MAGI1: variants seen among roughly 807,000 people sequenced by gnomAD.
MAGI1 encodes membrane-associated guanylate kinase, WW and PDZ domain-containing protein 1.
Under a neutral mutation model 139.9 loss-of-function variants are expected in MAGI1, and 58 were observed. That is an observed-to-expected ratio of 0.41 (90% CI 0.34 to 0.52). The LOEUF (loss-of-function observed/expected upper bound fraction) is 0.52. MAGI1 is among the 20% of genes least tolerant of loss of function. The pLI, the probability that MAGI1 is intolerant of heterozygous loss-of-function variation, is 0.12. For missense variants in MAGI1, 1,874 were observed against 1,901.6 expected (o/e 0.99, Z 0.27); for synonymous variants, 812 against 737.9 (o/e 1.10, Z -1.63).
chr3:65,969,414 C>A (rs1174992532), intron 1 of MAGI1, among the ~76,000 whole-genome samples: 1 of 152,172 alleles, frequency 6.6e-6, no homozygotes, highest in Non-Finnish European at 1.5e-5. Flanking sequence ...CTCCATTCCC[C>A]CTCCTCGTAG....
intron 1 of MAGI1, among the ~76,000 whole-genome samples, chr3:65,700,016 G>C (rs375722547): frequency 3.3e-5 from 5 of 152,130 alleles, no homozygotes; most frequent in East Asian, 1.9e-4. Flanking sequence ...GCACACTCAA[G>C]TTTGAAAACT....
chr3:65,756,200 G>C (rs959797344), intron 1 of MAGI1, among the ~76,000 whole-genome samples: 1 of 152,120 alleles, frequency 6.6e-6, no homozygotes, highest in Non-Finnish European at 1.5e-5. Context: ...TTTCCACTTA[G>C]TGGATCCCTG....
intron 2 of MAGI1, among the ~76,000 whole-genome samples, chr3:65,518,676 A>C (rs2078010108): frequency 6.6e-6 from 1 of 152,204 alleles, no homozygotes; most frequent in African/African-American, 2.4e-5. Context: ...ACCATGAAAA[A>C]TTAAAACCTG....
intron 4 of MAGI1, among the ~76,000 whole-genome samples, chr3:65,474,467 CA>C (rs1341803089): frequency 6.6e-6 from 1 of 152,148 alleles, no homozygotes; most frequent in African/African-American, 2.4e-5. Flanking sequence ...TTCTCATCTG[CA>C]AAACTGGGAA....
intron 1 of MAGI1, among the ~76,000 whole-genome samples, chr3:65,819,487 T>C (rs1405154025): frequency 6.6e-6 from 1 of 152,110 alleles, no homozygotes; most frequent in Non-Finnish European, 1.5e-5. Context: ...CAGTTAGGGC[T>C]AGAGAGATCT....
chr3:65,621,632 A>G (rs760915855), intron 2 of MAGI1, among the ~76,000 whole-genome samples: 78 of 152,188 alleles, frequency 5.1e-4, no homozygotes, highest in Non-Finnish European at 9.7e-4. Context: ...GGAGGCTCAC[A>G]GCACACCATT....
intron 1 of MAGI1, among the ~76,000 whole-genome samples, chr3:65,879,264 T>A (rs184827937): frequency 1.2e-4 from 18 of 151,858 alleles, no homozygotes; most frequent in Admixed American, 4.6e-4. Context: ...TCGCTGGGAG[T>A]CCCAGGGTCC....
In MAGI1 at chr3:65,575,188, T is replaced by C. The variant is rs576412784; in HGVS notation, c.430+46784A>G. On this transcript the variant is annotated intron_variant, in intron 2 of 22. Coordinates refer to ENST00000402939, the MANE Select transcript of MAGI1 (RefSeq NM_001033057.2). ...TGAAAAAGGTCTTATATTCAGAATC[T>C]ATAGAGTTCCAAACAAAACACCAAC... is the stretch of plus-strand genomic sequence containing the variant. Among the ~76,000 whole-genome samples the C allele has an allele frequency of 2.6e-5, 4 of 152,086 alleles. No homozygotes were observed. The South Asian group carries it at 6.2e-4, about 24-fold the overall frequency.
chr3:65,657,051 T>C (rs1314704950), intron 1 of MAGI1, among the ~76,000 whole-genome samples: 4 of 150,496 alleles, frequency 2.7e-5, no homozygotes, highest in African/African-American at 4.9e-5. Context: ...AACAATATCA[T>C]TGGCTAATAT....
intron 1 of MAGI1, among the ~76,000 whole-genome samples, chr3:65,982,891 G>C (rs894821204): frequency 2.0e-5 from 3 of 152,046 alleles, no homozygotes; most frequent in African/African-American, 7.2e-5. Context: ...TTGTTTGTTT[G>C]TTTCTTAACA....
At chr3:65,589,700 A>G (rs1051669352) in intron 2 of MAGI1, among the ~76,000 whole-genome samples, 3 of 152,098 alleles carry the variant, frequency 2.0e-5, no homozygotes, top group Non-Finnish European at 4.4e-5. Flanking sequence ...GCATAAAAGC[A>G]GCCATAAAAA....
chr3:65,971,765 C>T (rs1237560920), intron 1 of MAGI1, among the ~76,000 whole-genome samples: 1 of 152,198 alleles, frequency 6.6e-6, no homozygotes, highest in Non-Finnish European at 1.5e-5. Context: ...CTGCCTGACA[C>T]ACTTCCCTGG....
intron 1 of MAGI1, among the ~76,000 whole-genome samples, chr3:65,859,008 G>A (rs1053398608): frequency 6.6e-6 from 1 of 152,168 alleles, no homozygotes; most frequent in Non-Finnish European, 1.5e-5. Context: ...TTGGCCTGCT[G>A]TGTGCCAGAT....
chr3:65,846,041 A>G (rs1021208705), intron 1 of MAGI1, among the ~76,000 whole-genome samples: 1 of 152,188 alleles, frequency 6.6e-6, no homozygotes, highest in East Asian at 1.9e-4. Flanking sequence ...AGTAGTAACA[A>G]TGCCACTTGT....
At chr3:65,465,907 T>C (rs1188117950) in intron 5 of MAGI1, among the ~76,000 whole-genome samples, 1 of 152,196 alleles carries the variant, frequency 6.6e-6, no homozygotes, top group Non-Finnish European at 1.5e-5. Flanking sequence ...TGTTTGTTGG[T>C]TGGTTGGTTT....
intron 1 of MAGI1, among the ~76,000 whole-genome samples, chr3:65,894,646 A>G (rs2060898328): frequency 6.6e-6 from 1 of 152,232 alleles, no homozygotes; most frequent in Non-Finnish European, 1.5e-5. Flanking sequence ...TAGTCCTTGA[A>G]AAGACTAGCA....
At chr3:65,608,753 C>T (rs76390156) in intron 2 of MAGI1, among the ~76,000 whole-genome samples, 4,576 of 152,210 alleles carry the variant, frequency 0.03, 101 homozygotes, top group African/African-American at 0.058. Context: ...GAACATATGA[C>T]GACACTGTAA....
chr3:65,510,869 C>G (rs1166592051), intron 2 of MAGI1, among the ~76,000 whole-genome samples: 1 of 147,536 alleles, frequency 6.8e-6, no homozygotes, highest in African/African-American at 2.5e-5. Flanking sequence ...CACCAAAGTT[C>G]AAATGAAGGA....
intron 1 of MAGI1, among the ~76,000 whole-genome samples, chr3:65,877,179 C>A (rs572981756): frequency 1.3e-5 from 2 of 152,134 alleles, no homozygotes; most frequent in Non-Finnish European, 2.9e-5. Context: ...ACTTATGGGA[C>A]CTTTTCCCAT....
Sources: gnomAD v4.1 joint callset for allele counts (sites outside exome capture counted in the v4.1 genomes callset) on GRCh38, gnomAD v4.1.1 for gene constraint, MANE v1.5 for transcripts, NCBI Gene and HGNC (gene_info 2026-07-23, HGNC 2026-07-21) for gene names.